HS3ST5: variants seen among roughly 807,000 people sequenced by gnomAD.
HS3ST5 encodes the protein heparan sulfate glucosamine 3-O-sulfotransferase 5.
A neutral mutation model predicts 25.4 loss-of-function variants in HS3ST5; 10 were observed. That is an observed-to-expected ratio of 0.39 (90% CI 0.24 to 0.67). The LOEUF (loss-of-function observed/expected upper bound fraction) is 0.67, where lower values mean the gene tolerates loss of function less well. HS3ST5 is among the 30% of genes least tolerant of loss of function. The pLI is 0.44. For missense variants in HS3ST5, 324 were observed against 420.7 expected, an observed-to-expected ratio of 0.77 and a Z score of 2.01; for synonymous variants, 170 against 162.4, an observed-to-expected ratio of 1.05 and a Z score of -0.36.
At chr6:114,266,244 A>G (rs1305782023) in intron 1 of HS3ST5, among the ~76,000 whole-genome samples, 2 of 152,236 alleles carry the variant, frequency 1.3e-5, no homozygotes, top group Non-Finnish European at 2.9e-5. Context: ...TCAATGATGA[A>G]AAACTTGTCT....
At chr6:114,103,481 A>G (rs1419442526) in intron 3 of HS3ST5, among the ~76,000 whole-genome samples, 2 of 152,190 alleles carry the variant, frequency 1.3e-5, no homozygotes, top group Non-Finnish European at 2.9e-5. Context: ...ATTACAAGAC[A>G]TGATGGAAAA....
chr6:114,106,155 AGG>A (rs1197260584), intron 3 of HS3ST5, among the ~76,000 whole-genome samples: 1 of 152,132 alleles, frequency 6.6e-6, no homozygotes, highest in African/African-American at 2.4e-5. Flanking sequence ...AGAAGATAAT[AGG>A]GCAAAGTTTT....
At chr6:114,312,355 C>A (rs1180738418) in intron 1 of HS3ST5, among the ~76,000 whole-genome samples, 1 of 152,040 alleles carries the variant, frequency 6.6e-6, no homozygotes, top group Admixed American at 6.5e-5. Context: ...TGGCTTATAC[C>A]TCACACCATA....
At chr6:114,084,122 C>A (rs1774631321) in intron 3 of HS3ST5, 2 of 612,846 alleles carry the variant, frequency 3.3e-6, no homozygotes, top group Non-Finnish European at 2.9e-6. Context: ...GTTTATTTCC[C>A]ATCAACCTTA....
At chr6:114,335,555 G>T (rs1437913923) in intron 1 of HS3ST5, among the ~76,000 whole-genome samples, 1 of 151,908 alleles carries the variant, frequency 6.6e-6, no homozygotes, top group Non-Finnish European at 1.5e-5. Context: ...TACTACATCT[G>T]GATAAGAGGA....
At chr6:114,331,929 T>C (rs1776413944) in intron 1 of HS3ST5, among the ~76,000 whole-genome samples, 1 of 152,018 alleles carries the variant, frequency 6.6e-6, no homozygotes, top group South Asian at 2.1e-4. Flanking sequence ...TACTAATAAT[T>C]GGTTAAATAT....
At chr6:114,267,120 G>A (rs1024800469) in intron 1 of HS3ST5, among the ~76,000 whole-genome samples, 7 of 152,138 alleles carry the variant, frequency 4.6e-5, no homozygotes, top group African/African-American at 7.2e-5. Context: ...GGACTATCAG[G>A]AGGTATGGGA....
At chr6:114,108,416 C>T (rs1452279985) in intron 3 of HS3ST5, among the ~76,000 whole-genome samples, 1 of 152,118 alleles carries the variant, frequency 6.6e-6, no homozygotes, top group Non-Finnish European at 1.5e-5. Context: ...GTTCATAGAA[C>T]GTGTCTCATC....
chr6:114,088,016 C>A (rs2114784855), intron 3 of HS3ST5, among the ~76,000 whole-genome samples: 1 of 152,192 alleles, frequency 6.6e-6, no homozygotes. Context: ...CACTGGATTT[C>A]AAAGACATAG....
rs558184302 is a variant in HS3ST5 at position 114,175,586 on chromosome 6, G to C, written c.-144-7124C>G. 3.9e-5 allele frequency among the ~76,000 whole-genome samples: 6 copies of C among 152,260 alleles called. No individual in the cohort carries two copies. In the East Asian group the frequency reaches 1.2e-3, roughly 29 times the overall value. On this transcript the variant is annotated intron_variant, in intron 2 of 4. Transcript: ENST00000312719. Reference sequence around the variant, plus strand: ...TATTTCACAAATGCCTTTGGCTAAGGGGGAGGAGGAATGGAGTCAGGTAGG... The same window carrying C: ...TATTTCACAAATGCCTTTGGCTAAGCGGGAGGAGGAATGGAGTCAGGTAGG...
At chr6:114,165,388 T>C (rs1290445382) in intron 3 of HS3ST5, among the ~76,000 whole-genome samples, 1 of 152,198 alleles carries the variant, frequency 6.6e-6, no homozygotes, top group African/African-American at 2.4e-5. Context: ...AGCATGGGCT[T>C]TCTACATCTT....
intron 1 of HS3ST5, among the ~76,000 whole-genome samples, chr6:114,297,508 A>G (rs568092190): frequency 1.3e-5 from 2 of 152,350 alleles, no homozygotes; most frequent in Non-Finnish European, 2.9e-5. Context: ...GCATCTTTCC[A>G]GACTTTTTTC....
At chr6:114,300,566 G>A (rs983805890) in intron 1 of HS3ST5, among the ~76,000 whole-genome samples, 2 of 152,042 alleles carry the variant, frequency 1.3e-5, no homozygotes, top group Non-Finnish European at 2.9e-5. Context: ...ATTATAAAAC[G>A]GCACAACCAC....
At chr6:114,133,188 A>G (rs1777430922) in intron 3 of HS3ST5, among the ~76,000 whole-genome samples, 1 of 152,150 alleles carries the variant, frequency 6.6e-6, no homozygotes. Context: ...TCAAGGGATG[A>G]CAATGGGCCT....
chr6:114,339,750 TC>T (rs1397208470), intron 1 of HS3ST5, among the ~76,000 whole-genome samples: 3 of 152,194 alleles, frequency 2.0e-5, no homozygotes, highest in Non-Finnish European at 2.9e-5. Flanking sequence ...AGAGTCAACA[TC>T]AATTCTCTGA....
intron 3 of HS3ST5, among the ~76,000 whole-genome samples, chr6:114,136,225 C>T (rs1269369767): frequency 6.6e-6 from 1 of 152,206 alleles, no homozygotes; most frequent in African/African-American, 2.4e-5. Flanking sequence ...CAGTAAGTCC[C>T]ACGTGTCATG....
At chr6:114,241,719 C>T (rs143811820) in intron 1 of HS3ST5, among the ~76,000 whole-genome samples, 324 of 152,140 alleles carry the variant, frequency 2.1e-3, no homozygotes, top group African/African-American at 7.5e-3. Flanking sequence ...CAACTAAACC[C>T]GGCTAGGAGA....
chr6:114,281,299 C>A lies in HS3ST5; in HGVS notation c.-338-52521G>T, dbSNP rs140682242. Among the ~76,000 whole-genome samples, 360 of 152,078 alleles carry A rather than the reference C, an allele frequency of 2.4e-3. 2 individuals carry two copies. The highest frequency in any genetic ancestry group is 8.4e-3 in the African/African-American group (348 of 41,510). ...AATGAGCTGTACTTTACAAAGTATG[C>A]CAGTGTAGTTGTATAGTGTCAGATC... is the stretch of plus-strand genomic sequence containing the variant. On this transcript the variant is annotated intron_variant, in intron 1 of 4. Transcript: ENST00000312719.
At chr6:114,282,715 C>G (rs1774170606) in intron 1 of HS3ST5, among the ~76,000 whole-genome samples, 3 of 151,970 alleles carry the variant, frequency 2.0e-5, no homozygotes. Context: ...TTTTCCTCCT[C>G]CTATCCTTTC....
Sources: gnomAD v4.1 joint callset for allele counts (sites outside exome capture counted in the v4.1 genomes callset) on GRCh38, gnomAD v4.1.1 for gene constraint, MANE v1.5 for transcripts, NCBI Gene and HGNC (gene_info 2026-07-23, HGNC 2026-07-21) for gene names.